Variants in TPCN1 observed in about 807,000 individuals in gnomAD.
TPCN1 encodes two pore channel protein 1.
In TPCN1, 52 loss-of-function variants were observed where a neutral mutation model predicts 108.8. The observed-to-expected ratio is 0.48, with a 90% CI of 0.38 to 0.60. The LOEUF (loss-of-function observed/expected upper bound fraction) is 0.60, where lower values mean the gene tolerates loss of function less well. Among genes scored for constraint, TPCN1 ranks in the 20% least tolerant of loss-of-function variants. TPCN1 has a pLI of 0.00. For missense variants in TPCN1, 806 were observed against 1,072.8 expected (o/e 0.75, Z 3.47); for synonymous variants, 446 against 433.7 (o/e 1.03, Z -0.35).
chr12:113,260,731 G>A (rs888603062), intron 3 of TPCN1, among the ~76,000 whole-genome samples: 1 of 152,158 alleles, frequency 6.6e-6, no homozygotes, highest in Admixed American at 6.5e-5. Flanking sequence ...CACAATTTCC[G>A]GAGTCTGGCC....
chr12:113,292,135 T>C (rs546944803), intron 25 of TPCN1, 177 bp downstream of exon 25: 2 of 607,958 alleles, frequency 3.3e-6, no homozygotes, highest in East Asian at 2.8e-5. Flanking sequence ...TTTTCAAATA[T>C]TTAATGTCAG....
chr12:113,281,865 T>A (rs561915795), intron 15 of TPCN1, among the ~76,000 whole-genome samples: 2 of 151,930 alleles, frequency 1.3e-5, no homozygotes, highest in South Asian at 4.2e-4. Context: ...TGTGGGATAG[T>A]TCCTCTCCAT....
chr12:113,294,849 A>G (rs542752745), intron 27 of TPCN1, among the ~76,000 whole-genome samples: 1 of 152,254 alleles, frequency 6.6e-6, no homozygotes, highest in South Asian at 2.1e-4. Context: ...CACACCAGCT[A>G]TGGTGGCTTT....
At chr12:113,260,081 T>C (rs1037207580) in intron 2 of TPCN1, among the ~76,000 whole-genome samples, 2 of 152,206 alleles carry the variant, frequency 1.3e-5, no homozygotes, top group African/African-American at 2.4e-5. Flanking sequence ...TAAAGATAAG[T>C]CGATGTATTT....
chr12:113,262,574 G>A (rs764752967), intron 3 of TPCN1, among the ~76,000 whole-genome samples: 1 of 152,092 alleles, frequency 6.6e-6, no homozygotes, highest in Non-Finnish European at 1.5e-5. Flanking sequence ...CCAAGCGCAG[G>A]CATACTTGTT....
At chr12:113,264,147 T>G (rs1190092113) in intron 3 of TPCN1, among the ~76,000 whole-genome samples, 1 of 152,110 alleles carries the variant, frequency 6.6e-6, no homozygotes, top group Non-Finnish European at 1.5e-5. Flanking sequence ...GCTGTGGTCA[T>G]GGAGGTGGTA....
rs1336960724 is a variant in TPCN1 at position 113,284,540 on chromosome 12, C to CCCTGTT, written c.1343-40_1343-35dup. The CCCTGTT allele has an allele frequency of 6.2e-7, 1 of 1,611,730 alleles. No homozygotes were observed. Among genetic ancestry groups the CCCTGTT allele is most frequent in the Admixed American group, 1.7e-5 (1 of 60,018 alleles). ...CTGCGACCTGCAGATTTCTAAGCCC[C>CCCTGTT]CCTGTTATTTCTCTGTCTTTTACGG... On this transcript the variant is annotated intron_variant, in intron 15 of 27. Coordinates refer to ENST00000335509, the MANE Select transcript of TPCN1 (RefSeq NM_017901.6). The surrounding 1 kb of genome is among the most constrained non-coding windows in gnomAD (Gnocchi z 4.1).
In TPCN1 at chr12:113,231,926, C is replaced by T. The variant is rs569801072; in HGVS notation, c.112+4962C>T. The stretch of plus-strand genomic sequence containing the variant: ...ACCGCGTGACAGGCGGTGGTCTCAC[C>T]CACCACATTCAGGGAATCAGGACGA... On this transcript the variant is annotated intron_variant, in intron 2 of 27. Coordinates refer to ENST00000335509, the MANE Select transcript of TPCN1 (RefSeq NM_017901.6). This position sits in a 1 kb window ranked among gnomAD's most constrained non-coding sequence, Gnocchi z 4.3. Among the ~76,000 whole-genome samples the T allele has an allele frequency of 2.0e-5, 3 of 152,290 alleles. No individual in the cohort carries two copies. The highest frequency in any genetic ancestry group is 1.9e-4 in the East Asian group (1 of 5,176).
At chr12:113,256,290 AT>A (rs76443507) in intron 2 of TPCN1, among the ~76,000 whole-genome samples, 46 of 147,190 alleles carry the variant, frequency 3.1e-4, no homozygotes, top group Admixed American at 3.4e-4. Flanking sequence ...TACTTTTTAA[AT>A]TTTTTTTTTT....
rs1259400764 is a variant in TPCN1, at chr12:113,278,769, C to T, written c.1234-3C>T. 2.5e-6 allele frequency: 4 copies of T among 1,613,858 alleles called. No individual in the cohort carries two copies. The highest frequency in any genetic ancestry group is 3.4e-6 in the Non-Finnish European group (4 of 1,179,794). ...CCTCCCTCTTGGTCCTGTTGTCTAC[C>T]AGGCCAAGAAAAACAGAGAGCACTG... On this transcript the variant is annotated splice_region_variant and splice_polypyrimidine_tract_variant and intron_variant, in intron 13 of 27. Coordinates refer to ENST00000335509, the MANE Select transcript of TPCN1 (RefSeq NM_017901.6).
Position 113,296,133 on chromosome 12 carries a change from C to A in TPCN1, c.*57C>A. ...ATAACACAATAGTATTACTCTACTG[C>A]GATGTACGGAACTGCGGTGTGTGTA... On this transcript the variant is annotated 3_prime_UTR_variant, in exon 28 of 28. Transcript: ENST00000335509. The A allele has an allele frequency of 1.3e-6, 2 of 1,590,106 alleles. No individual in the cohort carries two copies. Among genetic ancestry groups the A allele is most frequent in the South Asian group, 1.1e-5 (1 of 89,378 alleles).
In TPCN1 at chr12:113,231,188, C is replaced by T. The variant is rs1953675088; in HGVS notation, c.112+4224C>T. Among the ~76,000 whole-genome samples the T allele has an allele frequency of 6.6e-6, 1 of 152,252 alleles. No homozygotes were observed. Among genetic ancestry groups the T allele is most frequent in the African/African-American group, 2.4e-5 (1 of 41,462 alleles). On this transcript the variant is annotated intron_variant, in intron 2 of 27. Coordinates refer to ENST00000335509, the MANE Select transcript of TPCN1 (RefSeq NM_017901.6). The surrounding 1 kb of genome is among the most constrained non-coding windows in gnomAD (Gnocchi z 4.3). ...GCCTTCTCAGCACTGTACCTCCACGCTCCATGTCTGGTTGGGCACCCCTAA... is the reference window on the plus strand; with the variant it reads ...GCCTTCTCAGCACTGTACCTCCACGTTCCATGTCTGGTTGGGCACCCCTAA...
chr12:113,260,605 G>A, intron 3 of TPCN1, 113 bp downstream of exon 3: 1 of 1,343,970 alleles, frequency 7.4e-7, no homozygotes, highest in Non-Finnish European at 9.9e-7. Context: ...TCATGCTGCT[G>A]CTGCTCGTGT....
At chr12:113,222,222 CAG>C (rs1481091350) in intron 1 of TPCN1, among the ~76,000 whole-genome samples, 1 of 152,148 alleles carries the variant, frequency 6.6e-6, no homozygotes. Context: ...GAATTCAAAT[CAG>C]GGGACTGGTT....
chr12:113,288,348 G>C lies in TPCN1; in HGVS notation c.1706+114G>C, dbSNP rs530748947. On this transcript the variant is annotated intron_variant, in intron 20 of 27. Transcript: ENST00000335509. This position sits in a 1 kb window ranked among gnomAD's most constrained non-coding sequence, Gnocchi z 4.8. ...AGGAGTTCCACAAAGGACTGCAATCGAGGGCCTGACGGGGCTCCAAGGAGC... is the reference window on the plus strand; with the variant it reads ...AGGAGTTCCACAAAGGACTGCAATCCAGGGCCTGACGGGGCTCCAAGGAGC... 1.3e-6 allele frequency: 2 copies of C among 1,541,600 alleles called. No individual in the cohort carries two copies. Among genetic ancestry groups the C allele is most frequent in the Non-Finnish European group, 1.7e-6 (2 of 1,146,704 alleles).
At chr12:113,223,808 TG>T (rs1414471978) in intron 1 of TPCN1, among the ~76,000 whole-genome samples, 1 of 152,118 alleles carries the variant, frequency 6.6e-6, no homozygotes, top group East Asian at 1.9e-4. Context: ...CCTCTCAAAA[TG>T]TTGGGATTAC....
intron 25 of TPCN1, 59 bp downstream of exon 25, chr12:113,292,017 G>A (rs1956286966): frequency 6.8e-7 from 1 of 1,470,952 alleles, no homozygotes; most frequent in Admixed American, 1.7e-5. Context: ...AGCTCTGTCT[G>A]TCTGTCTGGG....
At position 113,221,534 on chromosome 12, in the gene TPCN1, A is replaced by G. The variant is rs1204717660; in HGVS notation, c.-218A>G. On this transcript the variant is annotated 5_prime_UTR_variant, in exon 1 of 28. Coordinates refer to ENST00000335509, the MANE Select transcript of TPCN1 (RefSeq NM_017901.6). ...CTTCGGCGGCTGCGGCGGCTGCAAC[A>G]GCTTCGGGCTCGGGGTTTTGGCGGC... 2 of 284,194 alleles carry G rather than the reference A, an allele frequency of 7.0e-6. No homozygotes were observed. Among genetic ancestry groups the G allele is most frequent in the South Asian group, 3.0e-5 (1 of 33,602 alleles). 17.6% of individuals were successfully genotyped at this position (284,194 alleles called of 1,614,324 possible).
chr12:113,264,676 C>CT (rs1955181679), intron 3 of TPCN1, among the ~76,000 whole-genome samples: 1 of 147,018 alleles, frequency 6.8e-6, no homozygotes, highest in Non-Finnish European at 1.5e-5. Context: ...AAGACTCTGT[C>CT]TCAAAAAAAA....
Sources: gnomAD v4.1 joint callset for allele counts (sites outside exome capture counted in the v4.1 genomes callset) on GRCh38, gnomAD v4.1.1 for gene constraint, Gnocchi (gnomAD v3.1) non-coding constraint, MANE v1.5 for transcripts, NCBI Gene and HGNC (gene_info 2026-07-23, HGNC 2026-07-21) for gene names.